Variants in COG5 observed in about 807,000 individuals in gnomAD.
The protein encoded by COG5 is component of oligomeric golgi complex 5.
In COG5, 86 loss-of-function variants were observed where a neutral mutation model predicts 110.4. The observed-to-expected ratio is 0.78, with a 90% CI of 0.65 to 0.93. The LOEUF is 0.93. Ranked by LOEUF, COG5 falls within the 40% of genes least tolerant of loss-of-function variation. The pLI, the probability that COG5 is intolerant of heterozygous loss-of-function variation, is 0.00. For missense variants in COG5, 1,077 were observed against 987.0 expected (o/e 1.09, Z -1.22); for synonymous variants, 360 against 334.6 (o/e 1.08, Z -0.83).
chr7:107,394,244 T>C (rs1790829206), intron 7 of COG5, among the ~76,000 whole-genome samples: 1 of 150,636 alleles, frequency 6.6e-6, no homozygotes, highest in East Asian at 1.9e-4. Context: ...ATTACAGGCG[T>C]GAGCCACCAT....
At chr7:107,210,211 G>A (rs1282275938) in intron 21 of COG5, 1 of 1,209,006 alleles carries the variant, frequency 8.3e-7, no homozygotes, top group African/African-American at 1.5e-5. Context: ...AAAAGATGCG[G>A]AGCTAGGGCA....
intron 6 of COG5, among the ~76,000 whole-genome samples, chr7:107,521,903 T>C (rs370109981): frequency 1.3e-4 from 20 of 152,118 alleles, no homozygotes; most frequent in Non-Finnish European, 2.6e-4. Flanking sequence ...CAACGATAGA[T>C]TGGATAAAGA....
chr7:107,404,884 TG>T (rs1791699632), intron 7 of COG5, among the ~76,000 whole-genome samples: 4 of 34,614 alleles, frequency 1.2e-4, no homozygotes, highest in Admixed American at 7.2e-4. Flanking sequence ...TTTCAGAAGA[TG>T]AAAAAAAAAA....
chr7:107,294,044 C>G (rs988301435), intron 12 of COG5, among the ~76,000 whole-genome samples: 13 of 152,040 alleles, frequency 8.6e-5, no homozygotes, highest in African/African-American at 3.1e-4. Flanking sequence ...TGCACTCCAG[C>G]CTGGGTGACA....
chr7:107,483,863 T>G (rs1450176820), intron 6 of COG5, among the ~76,000 whole-genome samples: 2 of 147,748 alleles, frequency 1.4e-5, no homozygotes, highest in Non-Finnish European at 3.0e-5. Context: ...CTAAATCAGA[T>G]GCAAAATGTC....
chr7:107,422,715 ACT>A (rs1793380776), intron 6 of COG5, among the ~76,000 whole-genome samples: 1 of 149,176 alleles, frequency 6.7e-6, no homozygotes, highest in African/African-American at 2.5e-5. Context: ...GCAAGCCATG[ACT>A]CTGTGTGTGT....
intron 7 of COG5, among the ~76,000 whole-genome samples, chr7:107,383,512 T>C (rs1815308908): frequency 6.6e-6 from 1 of 152,136 alleles, no homozygotes. Flanking sequence ...GAGACATAGG[T>C]AAGAGTGGAT....
intron 12 of COG5, among the ~76,000 whole-genome samples, chr7:107,286,026 T>G (rs1332453487): frequency 1.3e-5 from 2 of 152,162 alleles, no homozygotes; most frequent in African/African-American, 4.8e-5. Context: ...CTTAAGTCTT[T>G]TTTCCTTTTC....
intron 7 of COG5, among the ~76,000 whole-genome samples, chr7:107,386,388 G>A (rs571513417): frequency 1.3e-5 from 2 of 152,072 alleles, no homozygotes; most frequent in Admixed American, 1.3e-4. Context: ...GTCAGTGGAC[G>A]TTATTTATCT....
intron 6 of COG5, among the ~76,000 whole-genome samples, chr7:107,508,075 C>T (rs7785085): frequency 7.9e-5 from 12 of 152,260 alleles, no homozygotes; most frequent in East Asian, 5.8e-4. Flanking sequence ...CGAAGCAGGG[C>T]GAGGCATTGC....
chr7:107,403,124 A>C (rs1488666827), intron 7 of COG5, among the ~76,000 whole-genome samples: 1 of 152,246 alleles, frequency 6.6e-6, no homozygotes, highest in East Asian at 1.9e-4. Flanking sequence ...ATTTGCATTT[A>C]CTAAAACAAT....
At chr7:107,379,928 A>G (rs1414697777) in intron 7 of COG5, among the ~76,000 whole-genome samples, 2 of 152,288 alleles carry the variant, frequency 1.3e-5, no homozygotes, top group Middle Eastern at 3.4e-3. Context: ...AAGCGGACCT[A>G]ATAGTCATCT....
In COG5 at chr7:107,294,773, T is replaced by C. The variant is rs184271955; in HGVS notation, c.1313+3369A>G. Among the ~76,000 whole-genome samples the C allele has an allele frequency of 4.7e-3, 658 of 140,122 alleles. 4 individuals are homozygous for C. The highest frequency in any genetic ancestry group is 0.022 in the Middle Eastern group (6 of 276). 91.9% of individuals were successfully genotyped at this position (140,122 alleles called of 152,430 possible). ...CTCTGTTGCCTGGGCTGGAGTGCAGTGGCGCGATCTCAGCTCACTGCAATC... is the reference window on the plus strand; with the variant it reads ...CTCTGTTGCCTGGGCTGGAGTGCAGCGGCGCGATCTCAGCTCACTGCAATC... On this transcript the variant is annotated intron_variant, in intron 12 of 21. Transcript: ENST00000297135.
chr7:107,441,776 G>A (rs746711834), intron 6 of COG5, among the ~76,000 whole-genome samples: 7 of 152,128 alleles, frequency 4.6e-5, no homozygotes, highest in Non-Finnish European at 8.8e-5. Flanking sequence ...AAATTTTAAT[G>A]ACTAATGCTC....
At chr7:107,401,671 G>A (rs1401333023) in intron 7 of COG5, among the ~76,000 whole-genome samples, 2 of 152,172 alleles carry the variant, frequency 1.3e-5, no homozygotes, top group African/African-American at 4.8e-5. Context: ...CTAGTTAGTG[G>A]TAAAAACAAT....
At chr7:107,484,205 C>T (rs796726621) in intron 6 of COG5, among the ~76,000 whole-genome samples, 1 of 151,894 alleles carries the variant, frequency 6.6e-6, no homozygotes, top group African/African-American at 2.4e-5. Context: ...CGTGCACCAA[C>T]GCTACCAGCA....
chr7:107,505,711 A>G (rs1798942905), intron 6 of COG5, among the ~76,000 whole-genome samples: 1 of 152,182 alleles, frequency 6.6e-6, no homozygotes, highest in African/African-American at 2.4e-5. Context: ...GAAACTTCCC[A>G]CCAGTGGAAA....
rs143219043 is a variant in COG5 at position 107,347,887 on chromosome 7, G to A, written c.1026+14146C>T. The stretch of plus-strand genomic sequence containing the variant: ...CATGCCTGCAATCCCAGGACTTTGG[G>A]AGGCTGAGGCAGGTGGATCACGAGG... On this transcript the variant is annotated intron_variant, in intron 10 of 21. Coordinates refer to ENST00000297135, the MANE Select transcript of COG5 (RefSeq NM_006348.5). 9.9e-3 allele frequency among the ~76,000 whole-genome samples: 1,503 copies of A among 152,216 alleles called. 26 individuals carry two copies. The highest frequency in any genetic ancestry group is 0.033 in the African/African-American group (1,354 of 41,528).
At chr7:107,246,907 A>G (rs1264459868) in intron 17 of COG5, among the ~76,000 whole-genome samples, 2 of 152,162 alleles carry the variant, frequency 1.3e-5, no homozygotes, top group Non-Finnish European at 2.9e-5. Flanking sequence ...CTACCATAAA[A>G]ACATATGCAT....
Sources: gnomAD v4.1 joint callset for allele counts (sites outside exome capture counted in the v4.1 genomes callset) on GRCh38, gnomAD v4.1.1 for gene constraint, MANE v1.5 for transcripts, NCBI Gene and HGNC (gene_info 2026-07-23, HGNC 2026-07-21) for gene names.